The following WNT7B variants were observed in gnomAD, a reference collection of about 807,000 sequenced individuals.
WNT7B encodes the protein protein Wnt-7b.
In WNT7B, 19 loss-of-function variants were observed where a neutral mutation model predicts 38.2. That is an observed-to-expected ratio of 0.50 (90% CI 0.35 to 0.73). The LOEUF is 0.73. WNT7B is among the 30% of genes least tolerant of loss of function. WNT7B has a pLI of 0.01. For missense variants in WNT7B, 423 were observed against 507.9 expected, an observed-to-expected ratio of 0.83 and a Z score of 1.61; for synonymous variants, 243 against 209.3, an observed-to-expected ratio of 1.16 and a Z score of -1.39.
chr22:45,968,422 C>A (rs371055306), intron 1 of WNT7B, among the ~76,000 whole-genome samples: 1 of 152,198 alleles, frequency 6.6e-6, no homozygotes, highest in African/African-American at 2.4e-5. Context: ...GTGATCTGCA[C>A]TGGAGAGGGA....
In WNT7B at chr22:45,975,659, G is replaced by T; in HGVS notation, c.71+1025C>A. ...TCTCCCACCAGTGGTACCTGCACCT[G>T]CCCCTCCCGCGGGTCTGTTCACCGC... On this transcript the variant is annotated intron_variant, in intron 1 of 3. Transcript: ENST00000339464. The surrounding 1 kb of genome is among the most constrained non-coding windows in gnomAD (Gnocchi z 6.6). 1 of 697,904 alleles carries T rather than the reference G, an allele frequency of 1.4e-6. No homozygotes were observed. The highest frequency in any genetic ancestry group is 2.7e-6 in the Non-Finnish European group (1 of 374,076). The allele number at this position is 697,904 out of a possible 1,614,324, so 43.2% of individuals were successfully genotyped here.
rs116556259 is a variant in WNT7B, at chr22:45,964,595, A to C, written c.71+12089T>G. ...GAAGACCTGAGTCGGGGAGCCTGGA[A>C]GTCATCCAGCCCCGGGCCACCCACT... is the stretch of plus-strand genomic sequence containing the variant. On this transcript the variant is annotated intron_variant, in intron 1 of 3. Transcript: ENST00000339464. 6.7e-3 allele frequency among the ~76,000 whole-genome samples: 1,016 copies of C among 152,258 alleles called. 9 individuals are homozygous for C. The highest frequency in any genetic ancestry group is 0.024 in the African/African-American group (980 of 41,554).
chr22:45,924,438 A>C (rs1931014566), intron 3 of WNT7B, among the ~76,000 whole-genome samples: 1 of 152,234 alleles, frequency 6.6e-6, no homozygotes, highest in Non-Finnish European at 1.5e-5. Context: ...CATGGGACAT[A>C]GTGAAGGTGC....
At chr22:45,937,714 A>C (rs2146720361) in intron 2 of WNT7B, among the ~76,000 whole-genome samples, 1 of 152,374 alleles carries the variant, frequency 6.6e-6, no homozygotes, top group African/African-American at 2.4e-5. Context: ...TTTTTAAAAA[A>C]TGACATTTTT....
At chr22:45,953,896 C>T (rs1251701274) in intron 1 of WNT7B, among the ~76,000 whole-genome samples, 1 of 152,182 alleles carries the variant, frequency 6.6e-6, no homozygotes, top group African/African-American at 2.4e-5. Context: ...CCCAGGGATT[C>T]CACCCCTTGG....
intron 2 of WNT7B, among the ~76,000 whole-genome samples, chr22:45,945,697 C>T (rs1047541867): frequency 1.3e-5 from 2 of 152,328 alleles, no homozygotes; most frequent in Admixed American, 1.3e-4. Context: ...GCACCTGGCC[C>T]GGGAGTCACC....
intron 3 of WNT7B, among the ~76,000 whole-genome samples, chr22:45,924,213 C>T (rs952948472): frequency 6.6e-6 from 1 of 152,216 alleles, no homozygotes; most frequent in African/African-American, 2.4e-5. Context: ...CCAGCCCTGC[C>T]GGGGCTTGGC....
chr22:45,946,091 T>C (rs1931788962), intron 2 of WNT7B, among the ~76,000 whole-genome samples: 1 of 152,112 alleles, frequency 6.6e-6, no homozygotes, highest in Non-Finnish European at 1.5e-5. Flanking sequence ...GCGCAGTGGT[T>C]GGAAGGAAGC....
chr22:45,972,391 G>A (rs1932467268), intron 1 of WNT7B: 2 of 302,334 alleles, frequency 6.6e-6, no homozygotes, highest in Non-Finnish European at 1.2e-5. Flanking sequence ...GTTGTCGCCC[G>A]TGCCCCGCCG....
At chr22:45,924,750 G>A (rs1451651147) in intron 3 of WNT7B, among the ~76,000 whole-genome samples, 3 of 150,748 alleles carry the variant, frequency 2.0e-5, no homozygotes, top group Admixed American at 1.3e-4. Context: ...GGTGCCGGGC[G>A]GGCCCTAGGC....
chr22:45,967,253 C>T lies in WNT7B; in HGVS notation c.71+9431G>A, dbSNP rs535443652. On this transcript the variant is annotated intron_variant, in intron 1 of 3. Coordinates refer to ENST00000339464, the MANE Select transcript of WNT7B (RefSeq NM_058238.3). Reference sequence around the variant, plus strand: ...TCATCAGGCTGAAGGAGCCCTGGGCCGGGGTTTCATCTGACAAGGGAGGGC... The same window carrying T: ...TCATCAGGCTGAAGGAGCCCTGGGCTGGGGTTTCATCTGACAAGGGAGGGC... 1.9e-4 allele frequency among the ~76,000 whole-genome samples: 29 copies of T among 152,266 alleles called. 1 individual carries two copies. In the South Asian group the frequency reaches 5.6e-3, roughly 29 times the overall value.
At position 45,931,237 on chromosome 22, in the gene WNT7B, G is replaced by T. The variant is rs202130862; in HGVS notation, c.431C>A (p.Ala144Asp). 796 of 1,599,174 alleles carry T rather than the reference G, an allele frequency of 5.0e-4. No homozygotes were observed. Among genetic ancestry groups the T allele is most frequent in the Non-Finnish European group, 6.6e-4 (775 of 1,179,842 alleles). Residue 144 changes from alanine to aspartate, a missense_variant, in exon 3 of 4, where the codon GCC becomes GAC. Ala to Asp is a moderately radical substitution (Grantham distance 126). This residue lies in a region of WNT7B where 132 missense variants were observed against 113.4 expected (regional missense o/e 1.16). Coordinates refer to ENST00000339464, the MANE Select transcript of WNT7B (RefSeq NM_058238.3). ...DREKQGYYNQAEGWKWGGCSA... is the reference protein window; with the variant it reads ...DREKQGYYNQDEGWKWGGCSA... ...GCAGCCGCCCCACTTCCAGCCCTCG[G>T]CTTGGTTGTAGTAGCCCTGCTTCTC... is the stretch of plus-strand genomic sequence containing the variant.
rs1056215601 is a variant in WNT7B, at chr22:45,975,320, C to T, written c.71+1364G>A. Among the ~76,000 whole-genome samples, 9 of 152,234 alleles carry T rather than the reference C, an allele frequency of 5.9e-5. No individual in the cohort carries two copies. The highest frequency in any genetic ancestry group is 7.4e-5 in the Non-Finnish European group (5 of 67,998). On this transcript the variant is annotated intron_variant, in intron 1 of 3. Transcript: ENST00000339464. This position sits in a 1 kb window ranked among gnomAD's most constrained non-coding sequence, Gnocchi z 6.6. ...AAGATGCAGGAAAAGAGCAGCCTGC[C>T]CACTCCACCCCCCGCCCAGCAGGCT...
intron 1 of WNT7B, among the ~76,000 whole-genome samples, chr22:45,962,250 GC>G (rs1282067880): frequency 6.6e-6 from 1 of 152,206 alleles, no homozygotes; most frequent in Non-Finnish European, 1.5e-5. Flanking sequence ...AACACAAGGG[GC>G]CCGCAGCTAA....
At chr22:45,927,698 C>G in intron 3 of WNT7B, 1 of 689,192 alleles carries the variant, frequency 1.5e-6, no homozygotes, top group East Asian at 2.8e-5. Flanking sequence ...GGGTTCAAGA[C>G]CAGCCTGGGC....
chr22:45,961,365 C>T (rs1007044872), intron 1 of WNT7B, among the ~76,000 whole-genome samples: 9 of 152,172 alleles, frequency 5.9e-5, no homozygotes, highest in Admixed American at 3.9e-4. Flanking sequence ...AGGGGAGGCC[C>T]GGGAGGGGCC....
intron 3 of WNT7B, among the ~76,000 whole-genome samples, chr22:45,924,208 C>A (rs1931010325): frequency 6.6e-6 from 1 of 152,242 alleles, no homozygotes; most frequent in Non-Finnish European, 1.5e-5. Context: ...GCAGCCCAGC[C>A]CTGCCGGGGC....
chr22:45,950,899 T>C (rs1237766310), intron 1 of WNT7B, among the ~76,000 whole-genome samples: 1 of 152,212 alleles, frequency 6.6e-6, no homozygotes, highest in Non-Finnish European at 1.5e-5. Context: ...GCACCTACTG[T>C]GTGCCGGGCT....
Position 45,966,544 on chromosome 22 carries a change from C to T in WNT7B, c.71+10140G>A, listed in dbSNP as rs1372012965. On this transcript the variant is annotated intron_variant, in intron 1 of 3. Transcript: ENST00000339464. The surrounding 1 kb of genome is among the most constrained non-coding windows in gnomAD (Gnocchi z 4.2). ...ACTCCAGGGGATGCTCACTCGGGCTCTTCTCCGTTGCTGCTGACACCCGGC... is the reference window on the plus strand; with the variant it reads ...ACTCCAGGGGATGCTCACTCGGGCTTTTCTCCGTTGCTGCTGACACCCGGC... Among the ~76,000 whole-genome samples, 1 of 152,236 alleles carries T rather than the reference C, an allele frequency of 6.6e-6. No individual in the cohort carries two copies. Among genetic ancestry groups the T allele is most frequent in the South Asian group, 2.1e-4 (1 of 4,828 alleles).
Sources: allele counts gnomAD v4.1 joint callset (sites outside exome capture counted in the v4.1 genomes callset), GRCh38; gene constraint gnomAD v4.1.1; regional missense constraint gnomAD v4.1.1; non-coding constraint Gnocchi (gnomAD v3.1); transcripts MANE v1.5; gene names NCBI Gene and HGNC (gene_info 2026-07-23, HGNC 2026-07-21).